Variants in NDUFAF4 observed in about 807,000 individuals in gnomAD.
NDUFAF4 encodes the protein NADH dehydrogenase [ubiquinone] 1 alpha subcomplex assembly factor 4.
A neutral mutation model predicts 15.6 loss-of-function variants in NDUFAF4; 10 were observed. The observed-to-expected ratio is 0.64, with a 90% CI of 0.40 to 1.09. The LOEUF is 1.09. NDUFAF4 is among the 50% of genes least tolerant of loss of function. NDUFAF4 has a pLI of 0.01. For synonymous variants in NDUFAF4, 77 were observed against 73.3 expected (o/e 1.05, Z -0.26); for missense variants, 203 against 207.3 (o/e 0.98, Z 0.13).
chr6:96,897,518 G>T (rs373332675), intron 1 of NDUFAF4, 148 bp downstream of exon 1: 3 of 1,189,408 alleles, frequency 2.5e-6, no homozygotes, highest in East Asian at 2.6e-5. Context: ...CGGCCTGGCG[G>T]CTCCCCCTTC....
chr6:96,893,871 G>A (rs1225250729), intron 2 of NDUFAF4, among the ~76,000 whole-genome samples: 1 of 152,160 alleles, frequency 6.6e-6, no homozygotes, highest in East Asian at 1.9e-4. Context: ...AGGAACAGAT[G>A]AGAATGCCTA....
chr6:96,892,332 C>T (rs1376789157), intron 2 of NDUFAF4, among the ~76,000 whole-genome samples: 2 of 152,226 alleles, frequency 1.3e-5, no homozygotes, highest in African/African-American at 2.4e-5. Flanking sequence ...TTAATCCCAG[C>T]ACGTGTGCTC....
Position 96,889,400 on chromosome 6 carries a change from T to C in NDUFAF4, c.*1704A>G, listed in dbSNP as rs1013348383. On this transcript the variant is annotated 3_prime_UTR_variant, in exon 3 of 3. Coordinates refer to ENST00000316149, the MANE Select transcript of NDUFAF4 (RefSeq NM_014165.4). ...ACAATGTAGATATGAATAAAGAAGATGGCTCAGAAGAGTGTACTAGTATTT... is the reference window on the plus strand; with the variant it reads ...ACAATGTAGATATGAATAAAGAAGACGGCTCAGAAGAGTGTACTAGTATTT... 6.6e-6 allele frequency: 1 copy of C among 152,198 alleles called. No homozygotes were observed. Among genetic ancestry groups the C allele is most frequent in the African/African-American group, 2.4e-5 (1 of 41,448 alleles). The allele number at this position is 152,198 out of a possible 1,614,324, so 9.4% of individuals were successfully genotyped here. A position where few individuals can be genotyped will look rare whatever the true frequency, so the allele number is the denominator to read the frequency against.
rs1775309282 is a variant in NDUFAF4, at chr6:96,891,117, A to G, written c.515T>C (p.Ile172Thr). 1.2e-6 allele frequency: 2 copies of G among 1,612,764 alleles called. No individual in the cohort carries two copies. Among genetic ancestry groups the G allele is most frequent in the Non-Finnish European group, 1.7e-6 (2 of 1,179,470 alleles). ...EIFPPEDKKA[I>T]RSK ...CTGTGATTTTCTTCATTTTGATCGT[A>G]TTGCTTTCTTGTCTTCAGGAGGGAA... Residue 172 changes from isoleucine to threonine, a missense_variant, in exon 3 of 3, where the codon ATA (isoleucine) becomes ACA (threonine). By Grantham distance (89) the Ile-to-Thr change is moderately conservative. Transcript: ENST00000316149.
chr6:96,892,726 T>G (rs779773744), intron 2 of NDUFAF4, among the ~76,000 whole-genome samples: 1 of 152,104 alleles, frequency 6.6e-6, no homozygotes, highest in African/African-American at 2.4e-5. Context: ...GTTTTTTCAG[T>G]GGGTCCTTCG....
At position 96,891,065 on chromosome 6, in the gene NDUFAF4, G is replaced by C; in HGVS notation, c.*39C>G. 1 of 1,562,288 alleles carries C rather than the reference G, an allele frequency of 6.4e-7. No individual in the cohort carries two copies. The highest frequency in any genetic ancestry group is 8.8e-7 in the Non-Finnish European group (1 of 1,137,484). ...AAAAATGAGAAAATATACAGCAGGA[G>C]GGATGAGGAGTACACATAGGAAATT... On this transcript the variant is annotated 3_prime_UTR_variant, in exon 3 of 3. Coordinates refer to ENST00000316149, the MANE Select transcript of NDUFAF4 (RefSeq NM_014165.4).
rs138676956 is a variant in NDUFAF4 at position 96,890,967 on chromosome 6, T to G, written c.*137A>C. ...TGGCAATCTTGAAAAGTCAGGGAGC[T>G]CAATAAATATTAAGAGTATGCCCTC... On this transcript the variant is annotated 3_prime_UTR_variant, in exon 3 of 3. Transcript: ENST00000316149. 636 of 780,902 alleles carry G rather than the reference T, an allele frequency of 8.1e-4. 2 individuals carry two copies. The African/African-American group carries it at 0.01, about 13-fold the overall frequency. The allele number at this position is 780,902 out of a possible 1,614,324, so 48.4% of individuals were successfully genotyped here. A position where few individuals can be genotyped will look rare whatever the true frequency, so the allele number is the denominator to read the frequency against.
In NDUFAF4 at chr6:96,889,542, T is replaced by C. The variant is rs1264962361; in HGVS notation, c.*1562A>G. ...TGTTTTCTTAAAACAATTATTGTAT[T>C]GAACTAAAAATAAACTAGGTAGTTT... On this transcript the variant is annotated 3_prime_UTR_variant, in exon 3 of 3. Transcript: ENST00000316149. 1.3e-5 allele frequency: 2 copies of C among 152,474 alleles called. No homozygotes were observed. Among genetic ancestry groups the C allele is most frequent in the African/African-American group, 4.8e-5 (2 of 41,462 alleles). 9.4% of individuals were successfully genotyped at this position (152,474 alleles called of 1,614,324 possible). A position where few individuals can be genotyped will look rare whatever the true frequency, so the allele number is the denominator to read the frequency against.
intron 2 of NDUFAF4, 29 bp downstream of exon 2, chr6:96,896,715 T>C (rs1775378928): frequency 6.7e-7 from 1 of 1,501,036 alleles, no homozygotes; most frequent in Admixed American, 1.7e-5. Flanking sequence ...AAGTAAATTG[T>C]GTATTCACTT....
rs983712762 is a variant in NDUFAF4, at chr6:96,897,809, T to C, written c.-8A>G. 1.9e-6 allele frequency: 3 copies of C among 1,613,942 alleles called. No individual in the cohort carries two copies. The African/African-American group carries it at 4.0e-5, about 22-fold the overall frequency. Reference sequence around the variant, plus strand: ...AATCACTAGTGCTCCCATCTCCTCATAACATTATGCGCTCAGGTTCAGGCC... The same window carrying C: ...AATCACTAGTGCTCCCATCTCCTCACAACATTATGCGCTCAGGTTCAGGCC... On this transcript the variant is annotated 5_prime_UTR_variant, in exon 1 of 3. The change abolishes an upstream ATG in the 5' untranslated region. Transcript: ENST00000316149.
chr6:96,890,989 C>A lies in NDUFAF4; in HGVS notation c.*115G>T. 1 of 903,698 alleles carries A rather than the reference C, an allele frequency of 1.1e-6. No individual in the cohort carries two copies. The highest frequency in any genetic ancestry group is 1.7e-6 in the Non-Finnish European group (1 of 585,606). 56.0% of individuals were successfully genotyped at this position (903,698 alleles called of 1,614,324 possible). ...AGCTCAATAAATATTAAGAGTATGC[C>A]CTCACAATGAGAGCATTAAATATTT... On this transcript the variant is annotated 3_prime_UTR_variant, in exon 3 of 3. Transcript: ENST00000316149.
Position 96,897,859 on chromosome 6 carries a change from C to CA in NDUFAF4, c.-59dup, listed in dbSNP as rs200056339. 16,153 of 1,612,220 alleles carry CA rather than the reference C, an allele frequency of 0.01. 115 individuals are homozygous for CA. The highest frequency in any genetic ancestry group is 0.013 in the South Asian group (1,169 of 90,994). On this transcript the variant is annotated 5_prime_UTR_variant, in exon 1 of 3. An upstream open reading frame in the 5' UTR loses its in-frame stop. Coordinates refer to ENST00000316149, the MANE Select transcript of NDUFAF4 (RefSeq NM_014165.4). Reference sequence around the variant, plus strand: ...CGCACGTGGGAACACCGGCGCAGGACAACTCCGGGACACCCGGAGCATGCG... The same window carrying CA: ...CGCACGTGGGAACACCGGCGCAGGACAAACTCCGGGACACCCGGAGCATGCG...
chr6:96,891,819 C>T (rs567860556), intron 2 of NDUFAF4, among the ~76,000 whole-genome samples: 2 of 152,152 alleles, frequency 1.3e-5, no homozygotes, highest in Admixed American at 6.5e-5. Context: ...AACATCTTTT[C>T]TTTATAAACT....
chr6:96,895,438 C>A (rs1349001861), intron 2 of NDUFAF4, among the ~76,000 whole-genome samples: 1 of 152,168 alleles, frequency 6.6e-6, no homozygotes, highest in Non-Finnish European at 1.5e-5. Context: ...GGACACAGAA[C>A]ATAAACAAAA....
In NDUFAF4 at chr6:96,890,888, A is replaced by G; in HGVS notation, c.*216T>C. ...TACAGATGTGCTCAGTCATGCTGAC[A>G]TGCACTTATGAAATATGCCTAAACC... On this transcript the variant is annotated 3_prime_UTR_variant, in exon 3 of 3. Coordinates refer to ENST00000316149, the MANE Select transcript of NDUFAF4 (RefSeq NM_014165.4). The G allele has an allele frequency of 2.0e-6, 1 of 505,244 alleles. No individual in the cohort carries two copies. 31.3% of individuals were successfully genotyped at this position (505,244 alleles called of 1,614,324 possible).
In NDUFAF4 at chr6:96,889,874, T is replaced by C. The variant is rs529548855; in HGVS notation, c.*1230A>G. The stretch of plus-strand genomic sequence containing the variant: ...CTAAATTCTGGGCCTGTTTAAGTCA[T>C]AAACTACAGAATCTTCGGTCATATA... On this transcript the variant is annotated 3_prime_UTR_variant, in exon 3 of 3. Coordinates refer to ENST00000316149, the MANE Select transcript of NDUFAF4 (RefSeq NM_014165.4). 6.6e-6 allele frequency: 1 copy of C among 152,282 alleles called. No individual in the cohort carries two copies. Among genetic ancestry groups the C allele is most frequent in the East Asian group, 1.9e-4 (1 of 5,186 alleles). The allele number at this position is 152,282 out of a possible 1,614,324, so 9.4% of individuals were successfully genotyped here. A position where few individuals can be genotyped will look rare whatever the true frequency, so the allele number is the denominator to read the frequency against.
chr6:96,893,778 G>A (rs1482941776), intron 2 of NDUFAF4, among the ~76,000 whole-genome samples: 2 of 150,362 alleles, frequency 1.3e-5, no homozygotes, highest in Admixed American at 6.6e-5. Context: ...TGTCCCAAAC[G>A]TGATATAAGT....
In NDUFAF4 at chr6:96,891,243, G is replaced by A. The variant is rs781284088; in HGVS notation, c.389C>T (p.Pro130Leu). 1.2e-6 allele frequency: 2 copies of A among 1,613,558 alleles called. No individual in the cohort carries two copies. The highest frequency in any genetic ancestry group is 2.2e-5 in the South Asian group (2 of 91,072). The change falls in exon 3 of 3, where the codon CCA (proline) becomes CTA (leucine). Residue 130 changes from proline (P) to leucine (L), a missense_variant. Transcript: ENST00000316149. ...LTLLNNHKLFPETWTAEKIMQ... is the reference protein window; with the variant it reads ...LTLLNNHKLFLETWTAEKIMQ... The stretch of plus-strand genomic sequence containing the variant: ...TATTTTCTCAGCAGTCCAGGTTTCT[G>A]GGAAAAGCTTATGATTATTGAGAAG...
rs1437451966 is a variant in NDUFAF4, at chr6:96,890,984, T to C, written c.*120A>G. 3 of 859,002 alleles carry C rather than the reference T, an allele frequency of 3.5e-6. No homozygotes were observed. In the South Asian group the frequency reaches 4.8e-5, roughly 14 times the overall value. 53.2% of individuals were successfully genotyped at this position (859,002 alleles called of 1,614,324 possible). A position where few individuals can be genotyped will look rare whatever the true frequency, so the allele number is the denominator to read the frequency against. ...CAGGGAGCTCAATAAATATTAAGAG[T>C]ATGCCCTCACAATGAGAGCATTAAA... On this transcript the variant is annotated 3_prime_UTR_variant, in exon 3 of 3. Coordinates refer to ENST00000316149, the MANE Select transcript of NDUFAF4 (RefSeq NM_014165.4).
Sources: allele counts gnomAD v4.1 joint callset (sites outside exome capture counted in the v4.1 genomes callset), GRCh38; gene constraint gnomAD v4.1.1; transcripts MANE v1.5; gene names NCBI Gene and HGNC (gene_info 2026-07-23, HGNC 2026-07-21).